FGFR3: variants seen among roughly 807,000 people sequenced by gnomAD.
FGFR3 encodes FGFR-3.
FGFR3 carries 25 observed loss-of-function variants against 82.9 expected under a neutral mutation model. The observed-to-expected ratio is 0.30, with a 90% confidence interval of 0.22 to 0.42. The LOEUF (loss-of-function observed/expected upper bound fraction) is 0.42, where lower values mean the gene tolerates loss of function less well. Among genes scored for constraint, FGFR3 ranks in the 10% least tolerant of loss-of-function variants. The probability of loss-of-function intolerance (pLI) is 1.00; values close to 1 mark genes in which losing one functional copy is unlikely to be tolerated. For synonymous variants in FGFR3, 620 were observed against 516.0 expected (o/e 1.20, Z -2.73); for missense variants, 1,026 against 1,161.0 (o/e 0.88, Z 1.69).
At chr4:1,803,185 G>C in intron 7 of FGFR3, 1 of 1,220,314 alleles carries the variant, frequency 8.2e-7, no homozygotes, top group Non-Finnish European at 1.1e-6. Flanking sequence ...CGCTCCACTC[G>C]GGGCCGCCTC....
chr4:1,803,852 G>C lies in FGFR3; in HGVS notation c.1075+16G>C, dbSNP rs758471237. The C allele has an allele frequency of 5.0e-6, 8 of 1,611,490 alleles. No homozygotes were observed. The highest frequency in any genetic ancestry group is 6.8e-6 in the Non-Finnish European group (8 of 1,178,384). ...GTGCTGCCAGGTACCGGCTTCTGCT[G>C]CTGCTGCTGCTCCGCACTGTCTGGG... On this transcript the variant is annotated intron_variant, in intron 8 of 17. Transcript: ENST00000440486.
intron 16 of FGFR3, 65 bp downstream of exon 16, chr4:1,806,748 G>A (rs2108813354): frequency 2.5e-6 from 4 of 1,596,456 alleles, no homozygotes; most frequent in Non-Finnish European, 2.6e-6. Flanking sequence ...GGCTGGGCGG[G>A]GGAGGGACTG....
chr4:1,795,404 C>G (rs935696781), intron 2 of FGFR3, among the ~76,000 whole-genome samples: 1 of 151,970 alleles, frequency 6.6e-6, no homozygotes, highest in African/African-American at 2.4e-5. Flanking sequence ...CTCCCCCAGT[C>G]GCTCCTGGAA....
Position 1,806,833 on chromosome 4 carries a change from A to C in FGFR3, c.2173A>C (p.Met725Leu), listed in dbSNP as rs1033107998. The change falls in exon 17 of 18, where the codon ATG (methionine) becomes CTG (leucine). Residue 725 changes from methionine (M) to leucine (L), a missense_variant. Physicochemically the swap from Met to Leu is conservative, Grantham distance 15 (BLOSUM62 2). Around this residue, in one of 9 missense-constraint regions of FGFR3, gnomAD observed 155 missense variants for 150.2 expected, o/e 1.03. Transcript: ENST00000440486. ...KPANCTHDLY[M>L]IMRECWHAAP... The stretch of plus-strand genomic sequence containing the variant: ...TCCTGAGCGCCCTGCCCGCAGGTAC[A>C]TGATCATGCGGGAGTGCTGGCATGC... 1.9e-6 allele frequency: 3 copies of C among 1,606,828 alleles called. No individual in the cohort carries two copies. In the African/African-American group the frequency reaches 4.0e-5, roughly 21 times the overall value.
At chr4:1,802,954 G>T (rs750429622) in intron 7 of FGFR3, 1 of 1,602,606 alleles carries the variant, frequency 6.2e-7, no homozygotes, top group Non-Finnish European at 8.5e-7. Flanking sequence ...GTGCGCCTCC[G>T]CCTGGCCAAT....
rs1243610490 is a variant in FGFR3, at chr4:1,806,538, C to T, written c.2031-8C>T. On this transcript the variant is annotated splice_polypyrimidine_tract_variant and splice_region_variant and intron_variant, in intron 15 of 17. Transcript: ENST00000440486. ...CTCAGGACAGCCTGACCTCACCTTC[C>T]CCTGCAGCTGGTCCTTTGGGGTCCT... The T allele has an allele frequency of 6.2e-6, 10 of 1,612,882 alleles. No homozygotes were observed. The highest frequency in any genetic ancestry group is 3.3e-5 in the South Asian group (3 of 91,090).
At chr4:1,804,176 G>C (rs369110756) in intron 8 of FGFR3, among the ~76,000 whole-genome samples, 154 bp from the exon 9 acceptor site, 9 of 152,198 alleles carry the variant, frequency 5.9e-5, no homozygotes, top group Non-Finnish European at 1.2e-4. Flanking sequence ...ACTCACTGGC[G>C]TTACTGACTG....
rs764273223 is a variant in FGFR3 at position 1,804,383 on chromosome 4, C to T, written c.1129C>T (p.Leu377Phe). The T allele has an allele frequency of 1.9e-6, 3 of 1,613,024 alleles. No individual in the cohort carries two copies. The highest frequency in any genetic ancestry group is 2.2e-5 in the South Asian group (2 of 90,998). The change falls in exon 9 of 18, where the codon CTC becomes TTC. Residue 377 changes from leucine (L) to phenylalanine (F), a missense_variant. Coordinates refer to ENST00000440486, the MANE Select transcript of FGFR3 (RefSeq NM_000142.5). ...GGCGGGCAGTGTGTATGCAGGCATC[C>T]TCAGCTACGGGGTGGGCTTCTTCCT... ...DEAGSVYAGI[L>F]SYGVGFFLFI...
At position 1,808,601 on chromosome 4, in the gene FGFR3, C is replaced by G. The variant is rs1560460284; in HGVS notation, c.*1339C>G. The stretch of plus-strand genomic sequence containing the variant: ...TGTATTTGTTGTAGACTTAACACTT[C>G]TTACGCAATGCTTCTAGAGTTTTAT... On this transcript the variant is annotated 3_prime_UTR_variant, in exon 18 of 18. Transcript: ENST00000440486. 4.3e-6 allele frequency: 1 copy of G among 231,154 alleles called. No individual in the cohort carries two copies. The highest frequency in any genetic ancestry group is 5.7e-5 in the Admixed American group (1 of 17,684). 14.3% of individuals were successfully genotyped at this position (231,154 alleles called of 1,614,324 possible).
chr4:1,801,945 C>T lies in FGFR3; in HGVS notation c.850C>T (p.His284Tyr), dbSNP rs1721244346. 1.2e-6 allele frequency: 2 copies of T among 1,612,676 alleles called. No homozygotes were observed. The highest frequency in any genetic ancestry group is 1.7e-6 in the Non-Finnish European group (2 of 1,179,870). The change falls in exon 7 of 18, where the codon CAC (histidine) becomes TAC (tyrosine). Residue 284 changes from histidine to tyrosine, a missense_variant. Transcript: ENST00000440486. The part of the protein sequence containing the change: ...HCKVYSDAQP[H>Y]IQWLKHVEVN... ...CAAGGTGTACAGTGACGCACAGCCC[C>T]ACATCCAGTGGCTCAAGCACGTGGA...
intron 10 of FGFR3, 100 bp from the exon 11 acceptor site, chr4:1,805,255 G>A (rs1051529880): frequency 3.8e-6 from 6 of 1,576,538 alleles, no homozygotes; most frequent in Non-Finnish European, 5.2e-6. Flanking sequence ...GGAGGTGGTG[G>A]CTCTGGGCCT....
rs750480041 is a variant in FGFR3, at chr4:1,807,383, CTGTGTGTGTGTG to C, written c.*126_*137del. Reference sequence around the variant, plus strand: ...AGAGACAGCTACACAGAGCTTTGGTCTGTGTGTGTGTGTGTGCGTGTGTGTGTGTGTGTGTGC... The same window carrying C: ...AGAGACAGCTACACAGAGCTTTGGTCTGTGCGTGTGTGTGTGTGTGTGTGC... On this transcript the variant is annotated 3_prime_UTR_variant, in exon 18 of 18. Transcript: ENST00000440486. 5.7e-6 allele frequency: 7 copies of C among 1,224,084 alleles called. No individual in the cohort carries two copies. Among genetic ancestry groups the C allele is most frequent in the African/African-American group, 1.9e-5 (1 of 52,346 alleles). 75.8% of individuals were successfully genotyped at this position (1,224,084 alleles called of 1,614,324 possible).
At chr4:1,806,800 G>A (rs2108813749) in intron 16 of FGFR3, 29 bp from the exon 17 acceptor site, 1 of 1,588,102 alleles carries the variant, frequency 6.3e-7, no homozygotes, top group Middle Eastern at 1.8e-4. Flanking sequence ...GGAAGCGGCG[G>A]GGCTCACTCC....
intron 2 of FGFR3, among the ~76,000 whole-genome samples, chr4:1,796,897 G>C (rs1000850524): frequency 6.6e-6 from 1 of 152,176 alleles, no homozygotes; most frequent in African/African-American, 2.4e-5. Flanking sequence ...GGGGGAAACT[G>C]AGGTACAGGA....
Position 1,797,036 on chromosome 4 carries a change from T to C in FGFR3, c.110-2218T>C, listed in dbSNP as rs547779720. On this transcript the variant is annotated intron_variant, in intron 2 of 17. Coordinates refer to ENST00000440486, the MANE Select transcript of FGFR3 (RefSeq NM_000142.5). ...GCAGGAGCACGTGTTGTGGGATCCATAGAAGGGTGGGAGGTGGGACGCGTT... is the reference window on the plus strand; with the variant it reads ...GCAGGAGCACGTGTTGTGGGATCCACAGAAGGGTGGGAGGTGGGACGCGTT... 1.1e-4 allele frequency among the ~76,000 whole-genome samples: 17 copies of C among 152,214 alleles called. 1 individual carries two copies. The South Asian group carries it at 3.5e-3, about 32-fold the overall frequency.
At position 1,807,792 on chromosome 4, in the gene FGFR3, C is replaced by T. The variant is rs1035322384; in HGVS notation, c.*530C>T. ...CACTTCCCACCCTGCCCCTCAGAGA[C>T]TGAAATTACGGGTACCTGAAGATGG... is the stretch of plus-strand genomic sequence containing the variant. On this transcript the variant is annotated 3_prime_UTR_variant, in exon 18 of 18. Transcript: ENST00000440486. The T allele has an allele frequency of 5.8e-6, 3 of 518,872 alleles. No individual in the cohort carries two copies. Among genetic ancestry groups the T allele is most frequent in the Non-Finnish European group, 1.1e-5 (3 of 269,526 alleles). 32.1% of individuals were successfully genotyped at this position (518,872 alleles called of 1,614,324 possible). A position where few individuals can be genotyped will look rare whatever the true frequency, so the allele number is the denominator to read the frequency against.
chr4:1,800,462 G>A (rs890047281), intron 4 of FGFR3, among the ~76,000 whole-genome samples: 5 of 152,110 alleles, frequency 3.3e-5, no homozygotes, highest in Non-Finnish European at 7.4e-5. Context: ...CTTGCGGACT[G>A]ATGGTGTGTG....
At chr4:1,803,470 T>C (rs1045753574) in intron 7 of FGFR3, among the ~76,000 whole-genome samples, 1 of 152,256 alleles carries the variant, frequency 6.6e-6, no homozygotes, top group Admixed American at 6.5e-5. Flanking sequence ...GCCGCTCACC[T>C]GGGACAGAGG....
At position 1,808,010 on chromosome 4, in the gene FGFR3, G is replaced by A. The variant is rs922666438; in HGVS notation, c.*748G>A. On this transcript the variant is annotated 3_prime_UTR_variant, in exon 18 of 18. Transcript: ENST00000440486. ...GGCCCTGGGCGGGGCGTGGGGGGGCGTGGAGGGAGGCCCCAGGGGGTCTCA... is the reference window on the plus strand; with the variant it reads ...GGCCCTGGGCGGGGCGTGGGGGGGCATGGAGGGAGGCCCCAGGGGGTCTCA... 1.7e-5 allele frequency: 4 copies of A among 239,140 alleles called. No homozygotes were observed. Among genetic ancestry groups the A allele is most frequent in the Non-Finnish European group, 2.5e-5 (3 of 121,730 alleles). The allele number at this position is 239,140 out of a possible 1,614,324, so 14.8% of individuals were successfully genotyped here.
Sources: gnomAD v4.1 joint callset for allele counts (sites outside exome capture counted in the v4.1 genomes callset) on GRCh38, gnomAD v4.1.1 for gene constraint, gnomAD v4.1.1 regional missense constraint, MANE v1.5 for transcripts, NCBI Gene and HGNC (gene_info 2026-07-23, HGNC 2026-07-21) for gene names.